MILR1: variants seen among roughly 807,000 people sequenced by gnomAD.
The protein encoded by MILR1 is mast cell immunoglobulin like receptor 1.
MILR1 carries 31 observed loss-of-function variants against 18.5 expected under a neutral mutation model. That is an observed-to-expected ratio of 1.68 (90% CI 1.26 to 2.26). MILR1 has a LOEUF of 2.26. Ranked by LOEUF, MILR1 falls within the 30% of genes most tolerant of loss-of-function variation. MILR1 has a pLI of 0.00. For missense variants in MILR1, 257 were observed against 157.4 expected (o/e 1.63, Z -3.38); for synonymous variants, 85 against 56.2 (o/e 1.51, Z -2.30).
At chr17:64,454,992 C>A (rs2037257959) in intron 3 of MILR1, among the ~76,000 whole-genome samples, 1 of 151,836 alleles carries the variant, frequency 6.6e-6, no homozygotes, top group Admixed American at 6.6e-5. Context: ...CAGAGAGAGA[C>A]CCTGTCTCAA....
At chr17:64,465,344 A>T in intron 5 of MILR1, 108 bp from the exon 6 acceptor site, 1 of 782,808 alleles carries the variant, frequency 1.3e-6, no homozygotes, top group Non-Finnish European at 2.1e-6. Flanking sequence ...CATTGGAGCA[A>T]GTCACTCTCT....
At chr17:64,452,489 G>C (rs1446312717) in intron 2 of MILR1, 108 bp from the exon 3 acceptor site, 1 of 405,680 alleles carries the variant, frequency 2.5e-6, no homozygotes, top group Non-Finnish European at 4.4e-6. Context: ...ATGGCCTCAA[G>C]TGATCCACCT....
At chr17:64,458,867 A>G (rs1458084637) in intron 4 of MILR1, among the ~76,000 whole-genome samples, 3 of 152,032 alleles carry the variant, frequency 2.0e-5, no homozygotes, top group Admixed American at 6.5e-5. Flanking sequence ...GCCCACAGTA[A>G]GGGTATGAGC....
chr17:64,454,054 C>T (rs1052322443), intron 3 of MILR1, among the ~76,000 whole-genome samples: 26 of 150,344 alleles, frequency 1.7e-4, no homozygotes, highest in African/African-American at 5.4e-4. Context: ...CTCAGCCTCC[C>T]GAGTAGCTAG....
the MILR1 span, chr17:64,486,798 G>T: frequency 6.6e-6 from 1 of 152,118 alleles, no homozygotes; most frequent in African/African-American, 2.4e-5. Flanking sequence ...TCATAAAAAA[G>T]AAATCTTTCA....
At chr17:64,472,094 A>T (rs1456195769), downstream of MILR1, among the ~76,000 whole-genome samples, 2 of 152,208 alleles carry the variant, frequency 1.3e-5, no homozygotes, top group African/African-American at 4.8e-5. Context: ...CACAACCCAG[A>T]AAACATAAAG....
intron 5 of MILR1, 147 bp downstream of exon 5, chr17:64,461,079 C>T (rs926324275): frequency 1.6e-4 from 56 of 358,892 alleles, no homozygotes; most frequent in Middle Eastern, 7.6e-4. Flanking sequence ...GAAAGGGGGG[C>T]GGGAATGGAA....
the MILR1 span, among the ~76,000 whole-genome samples, chr17:64,485,000 G>A: frequency 6.6e-6 from 1 of 152,204 alleles, no homozygotes; most frequent in African/African-American, 2.4e-5. Context: ...CTAACTCCCT[G>A]AGAAAATAGA....
At chr17:64,496,947 T>C in the MILR1 span, 4 of 1,608,244 alleles carry the variant, frequency 2.5e-6, no homozygotes, top group Non-Finnish European at 3.4e-6. Flanking sequence ...TGGCAGGCCC[T>C]GACGGCTACA....
chr17:64,471,939 G>T (rs1018782847), downstream of MILR1, among the ~76,000 whole-genome samples: 1 of 152,102 alleles, frequency 6.6e-6, no homozygotes, highest in Non-Finnish European at 1.5e-5. Context: ...GTAAAAACTT[G>T]AGAATCACAT....
intron 2 of MILR1, among the ~76,000 whole-genome samples, chr17:64,450,964 A>G (rs1000410387): frequency 1.3e-4 from 20 of 152,190 alleles, no homozygotes; most frequent in African/African-American, 4.6e-4. Flanking sequence ...ATGAAATTCT[A>G]GAATTGAAAT....
At chr17:64,482,442 C>G in the MILR1 span, among the ~76,000 whole-genome samples, 1 of 151,922 alleles carries the variant, frequency 6.6e-6, no homozygotes, top group Non-Finnish European at 1.5e-5. Flanking sequence ...CTGCCTTAGC[C>G]TCCTGAGTAT....
intron 2 of MILR1, among the ~76,000 whole-genome samples, chr17:64,452,158 G>A (rs1264554879): frequency 2.0e-5 from 3 of 148,260 alleles, no homozygotes; most frequent in East Asian, 2.0e-4. Context: ...GGCTGTTCTC[G>A]AACTCCTGAC....
the MILR1 span, chr17:64,485,959 C>T: frequency 7.7e-7 from 1 of 1,291,636 alleles, no homozygotes; most frequent in South Asian, 1.2e-5. Context: ...GTCACCTGGC[C>T]AGGCTGGAGT....
At chr17:64,476,298 AT>A in the MILR1 span, among the ~76,000 whole-genome samples, 1 of 152,090 alleles carries the variant, frequency 6.6e-6, no homozygotes, top group African/African-American at 2.4e-5. Context: ...ATGTAGTGTT[AT>A]TTTTTTAATG....
the MILR1 span, chr17:64,497,037 AACAGAAT>A: frequency 6.7e-7 from 1 of 1,487,146 alleles, no homozygotes. Context: ...CACTACCGTT[AACAGAAT>A]CCGGAGAGGC....
intron 5 of MILR1, among the ~76,000 whole-genome samples, chr17:64,463,031 T>C (rs1489412172): frequency 6.6e-6 from 1 of 151,986 alleles, no homozygotes; most frequent in Non-Finnish European, 1.5e-5. Flanking sequence ...ACTATAAGAT[T>C]TTTTAAAAAA....
chr17:64,450,294 A>G (rs1304706471), intron 2 of MILR1, among the ~76,000 whole-genome samples: 3 of 152,104 alleles, frequency 2.0e-5, no homozygotes, highest in Non-Finnish European at 2.9e-5. Flanking sequence ...GTGCAGATCA[A>G]ATGAGACAAT....
At chr17:64,471,772 C>T (rs1434388200), downstream of MILR1, among the ~76,000 whole-genome samples, 1 of 152,110 alleles carries the variant, frequency 6.6e-6, no homozygotes, top group Non-Finnish European at 1.5e-5. Context: ...GGCAACTTGG[C>T]GAAACCCTGT....
Sources: gnomAD v4.1 joint callset for allele counts (sites outside exome capture counted in the v4.1 genomes callset) on GRCh38, gnomAD v4.1.1 for gene constraint, MANE v1.5 for transcripts, NCBI Gene and HGNC (gene_info 2026-07-23, HGNC 2026-07-21) for gene names.